FBXW5: variants seen among roughly 807,000 people sequenced by gnomAD.
FBXW5 encodes F-box/WD repeat-containing protein 5.
FBXW5 carries 74 observed loss-of-function variants against 50.9 expected under a neutral mutation model. The ratio of observed to expected loss-of-function variants is 1.45; its 90% CI spans 1.20 to 1.76. The LOEUF is 1.76. Among genes scored for constraint, FBXW5 ranks in the 40% most tolerant of loss-of-function variants. The pLI is 0.00. For missense variants in FBXW5, 1,073 were observed against 818.8 expected, an observed-to-expected ratio of 1.31 and a Z score of -3.79; for synonymous variants, 523 against 362.2, an observed-to-expected ratio of 1.44 and a Z score of -5.04.
In FBXW5 at chr9:136,942,561, T is replaced by C; in HGVS notation, c.661A>G (p.Asn221Asp). 1 of 1,611,414 alleles carries C rather than the reference T, an allele frequency of 6.2e-7. No individual in the cohort carries two copies. Among genetic ancestry groups the C allele is most frequent in the Non-Finnish European group, 8.5e-7 (1 of 1,179,316 alleles). The change falls in exon 5 of 9, where the codon AAC becomes GAC. Residue 221 changes from asparagine to aspartate, a missense_variant. Asn to Asp is a conservative substitution (Grantham distance 23). Transcript: ENST00000325285. ...CCCGCACGCACCTGGAAGGCATTGT[T>C]GAGCCACAGCACCGAGCAGGAGGTG... Reference protein sequence around the residue: ...DITSCSVLWLNNAFQDVESEN... With the variant: ...DITSCSVLWLDNAFQDVESEN...
rs1343170492 is a variant in FBXW5, at chr9:136,942,044, AC to A, written c.1096+1del. 6.2e-7 allele frequency: 1 copy of A among 1,601,770 alleles called. No individual in the cohort carries two copies. Among genetic ancestry groups the A allele is most frequent in the Non-Finnish European group, 8.5e-7 (1 of 1,171,322 alleles). On this transcript the variant is annotated splice_donor_variant, in intron 6 of 8. Transcript: ENST00000325285. LOFTEE classifies it high-confidence loss of function. ...GCGGGCAGCATGGCGGCAGGGGTGT[AC>A]CGATCTGGTGTGGGGAGTAGGTGAG...
At chr9:136,944,561 G>C (rs1290835366) in intron 1 of FBXW5, 33 bp downstream of exon 1, 1 of 983,540 alleles carries the variant, frequency 1.0e-6, no homozygotes, top group South Asian at 4.7e-5. Context: ...GGGACGACAA[G>C]GCGGGACCCC....
rs1006201076 is a variant in FBXW5, at chr9:136,944,564, G to A, written c.-24+30C>T. ...CCAAGGCGGGCGGGGACGACAAGGC[G>A]GGACCCCCGAGGGCCGCAGGCGCAC... On this transcript the variant is annotated intron_variant, in intron 1 of 8. Coordinates refer to ENST00000325285, the MANE Select transcript of FBXW5 (RefSeq NM_018998.4). The A allele has an allele frequency of 1.3e-4, 125 of 983,526 alleles. No homozygotes were observed. The African/African-American group carries it at 2.1e-3, about 17-fold the overall frequency. The allele number at this position is 983,526 out of a possible 1,614,324, so 60.9% of individuals were successfully genotyped here. A position where few individuals can be genotyped will look rare whatever the true frequency, so the allele number is the denominator to read the frequency against.
intron 6 of FBXW5, 105 bp from the exon 7 acceptor site, chr9:136,941,789 A>T (rs1476348750): frequency 6.9e-7 from 1 of 1,459,460 alleles, no homozygotes; most frequent in Admixed American, 2.3e-5. Context: ...AGCACCACAG[A>T]GGTCCGTGGG....
At position 136,941,001 on chromosome 9, in the gene FBXW5, G is replaced by T. The variant is rs1373447222; in HGVS notation, c.1628C>A (p.Thr543Asn). ...GCGAGGTGCCTGGAGGACGCGCATGGTGCGTGGGGAGCGCCAGGCTTTGAT... is the reference window on the plus strand; with the variant it reads ...GCGAGGTGCCTGGAGGACGCGCATGTTGCGTGGGGAGCGCCAGGCTTTGAT... The part of the protein sequence containing the change: ...ATIKAWRSPR[T>N]MRVLQAPRPR... Residue 543 changes from threonine to asparagine, a missense_variant, in exon 9 of 9, where the codon ACC becomes AAC. Coordinates refer to ENST00000325285, the MANE Select transcript of FBXW5 (RefSeq NM_018998.4). 1.3e-6 allele frequency: 2 copies of T among 1,555,588 alleles called. No individual in the cohort carries two copies. The highest frequency in any genetic ancestry group is 3.9e-5 in the Admixed American group (2 of 51,714).
At position 136,943,788 on chromosome 9, in the gene FBXW5, CACGCGGGG is replaced by C. The variant is rs986118614; in HGVS notation, c.193+95_193+102del. The C allele has an allele frequency of 6.3e-5, 83 of 1,312,614 alleles. No homozygotes were observed. In the African/African-American group the frequency reaches 9.4e-4, roughly 15 times the overall value. 81.3% of individuals were successfully genotyped at this position (1,312,614 alleles called of 1,614,324 possible). On this transcript the variant is annotated intron_variant, in intron 2 of 8. Transcript: ENST00000325285. ...CAGGGTGTGGGGGGGTGAGCATGGA[CACGCGGGG>C]CCGCGGGGCGGGCCCCCAGCCAGGC...
chr9:136,944,518 C>T, intron 1 of FBXW5, 76 bp downstream of exon 1: 1 of 984,348 alleles, frequency 1.0e-6, no homozygotes, highest in Non-Finnish European at 1.2e-6. Flanking sequence ...GCACGGGCGG[C>T]CTCGGGGCTC....
In FBXW5 at chr9:136,943,379, G is replaced by C. The variant is rs142320232; in HGVS notation, c.321C>G (p.Phe107Leu). The C allele has an allele frequency of 1.9e-6, 3 of 1,612,904 alleles. No homozygotes were observed. The highest frequency in any genetic ancestry group is 2.5e-6 in the Non-Finnish European group (3 of 1,179,952). The change falls in exon 3 of 9, where the codon TTC becomes TTG. Residue 107 changes from phenylalanine (F) to leucine (L), a missense_variant. Physicochemically the swap from Phe to Leu is conservative, Grantham distance 22. Transcript: ENST00000325285. Reference sequence around the variant, plus strand: ...CAGTGCAGTCCTTGGAGCAGGACGCGAACTGGTACCCGGAATGGGAGAAGC... The same window carrying C: ...CAGTGCAGTCCTTGGAGCAGGACGCCAACTGGTACCCGGAATGGGAGAAGC... ...HLSFSHSGYQ[F>L]ASCSKDCTVK...
rs200276837 is a variant in FBXW5 at position 136,941,300 on chromosome 9, C to T, written c.1408G>A (p.Asp470Asn). ...LRAHRAYTPNDECFFIFLDVS... is the reference protein window; with the variant it reads ...LRAHRAYTPNNECFFIFLDVS... ...TCCAGGAAGATGAAGAAGCACTCGT[C>T]GTTGGGCGTGTAGGCGCGGTGCGCA... The change falls in exon 8 of 9, where the codon GAC (aspartate) becomes AAC (asparagine). Residue 470 changes from aspartate (D) to asparagine (N), a missense_variant. Asp to Asn is a conservative substitution (Grantham distance 23). Transcript: ENST00000325285. The T allele has an allele frequency of 3.5e-5, 57 of 1,609,144 alleles. No homozygotes were observed. Among genetic ancestry groups the T allele is most frequent in the South Asian group, 5.5e-5 (5 of 91,078 alleles).
At chr9:136,941,751 C>T (rs1850779900) in intron 6 of FBXW5, 67 bp from the exon 7 acceptor site, 1 of 1,446,304 alleles carries the variant, frequency 6.9e-7, no homozygotes, top group East Asian at 2.5e-5. Flanking sequence ...GGGCAGCTTC[C>T]TACCTCAGTG....
chr9:136,944,556 G>A (rs887678074), intron 1 of FBXW5, 38 bp downstream of exon 1: 3 of 983,684 alleles, frequency 3.0e-6, no homozygotes, highest in Non-Finnish European at 3.6e-6. Context: ...GGGCGGGGAC[G>A]ACAAGGCGGG....
At position 136,941,541 on chromosome 9, in the gene FBXW5, T is replaced by G. The variant is rs1850765625; in HGVS notation, c.1240A>C (p.Asn414His). ...HIIGMGLSPD[N>H]RYLYVNSRAW... ...GGACACTGGCAAGAGGCCCACCTGT[T>G]GTCGGGCGACAGGCCCATGCCGATG... Residue 414 changes from asparagine to histidine, a missense_variant, in exon 7 of 9, where the codon AAC becomes CAC. Transcript: ENST00000325285. 6.2e-7 allele frequency: 1 copy of G among 1,610,298 alleles called. No individual in the cohort carries two copies. The highest frequency in any genetic ancestry group is 8.5e-7 in the Non-Finnish European group (1 of 1,179,494).
chr9:136,943,975 G>A lies in FBXW5; in HGVS notation c.109C>T (p.Gln37Ter). 1 of 1,577,560 alleles carries A rather than the reference G, an allele frequency of 6.3e-7. No homozygotes were observed. Among genetic ancestry groups the A allele is most frequent in the South Asian group, 1.2e-5 (1 of 86,264 alleles). The change falls in exon 2 of 9, where the codon CAG (glutamine) becomes TAG (stop). Residue 37 changes from glutamine (Q) to a stop codon, truncating the protein, a stop_gained. Transcript: ENST00000325285. LOFTEE classifies it high-confidence loss of function. ...LAAGLVCRQW[Q>*]AVSRDEFLWR... The stretch of plus-strand genomic sequence containing the variant: ...AGGAACTCGTCCCGCGACACGGCCT[G>A]CCATTGGCGGCACACCAGCCCGGCG...
At chr9:136,943,771 G>T in intron 2 of FBXW5, 120 bp downstream of exon 2, 8 of 1,171,706 alleles carry the variant, frequency 6.8e-6, no homozygotes, top group Middle Eastern at 5.7e-4. Flanking sequence ...ATCAGGGTGT[G>T]GGGGGGTGAG....
rs1850935913 is a variant in FBXW5 at position 136,944,126 on chromosome 9, G to A, written c.-23-20C>T. 1 of 1,532,230 alleles carries A rather than the reference G, an allele frequency of 6.5e-7. No homozygotes were observed. 94.9% of individuals were successfully genotyped at this position (1,532,230 alleles called of 1,614,324 possible). Reference sequence around the variant, plus strand: ...GCGGCCCTGAAACCCACCAACGGCTGCCCTCAGCCCAGGCCCGGGAAGGGA... The same window carrying A: ...GCGGCCCTGAAACCCACCAACGGCTACCCTCAGCCCAGGCCCGGGAAGGGA... On this transcript the variant is annotated intron_variant, in intron 1 of 8. Coordinates refer to ENST00000325285, the MANE Select transcript of FBXW5 (RefSeq NM_018998.4).
Position 136,940,469 on chromosome 9 carries a change from G to A in FBXW5, c.*459C>T, listed in dbSNP as rs554800624. 2.3e-5 allele frequency: 5 copies of A among 221,264 alleles called. No individual in the cohort carries two copies. The highest frequency in any genetic ancestry group is 7.2e-5 in the South Asian group (1 of 13,838). 13.7% of individuals were successfully genotyped at this position (221,264 alleles called of 1,614,324 possible). On this transcript the variant is annotated 3_prime_UTR_variant, in exon 9 of 9. Transcript: ENST00000325285. ...CAACTGTTTATTCAGGGCCCTGAACGGGTGGTGCGTGGACATGCAACACAC... is the reference window on the plus strand; with the variant it reads ...CAACTGTTTATTCAGGGCCCTGAACAGGTGGTGCGTGGACATGCAACACAC...
rs1156352805 is a variant in FBXW5, at chr9:136,942,696, CTG to C, written c.527-3_527-2del. 9 of 1,611,168 alleles carry C rather than the reference CTG, an allele frequency of 5.6e-6. No individual in the cohort carries two copies. The highest frequency in any genetic ancestry group is 4.5e-5 in the East Asian group (2 of 44,838). On this transcript the variant is annotated splice_acceptor_variant and splice_polypyrimidine_tract_variant and intron_variant, in intron 4 of 8. Transcript: ENST00000325285. LOFTEE classifies it high-confidence loss of function. Reference sequence around the variant, plus strand: ...ACGCGGGACAGCAGCGCGAAGGAGTCTGTGGGGAGGCCGGGGCTGGACAGGCT... The same window carrying C: ...ACGCGGGACAGCAGCGCGAAGGAGTCTGGGGAGGCCGGGGCTGGACAGGCT...
intron 1 of FBXW5, 110 bp from the exon 2 acceptor site, chr9:136,944,216 G>C (rs1328064520): frequency 3.2e-6 from 4 of 1,232,422 alleles, no homozygotes; most frequent in Admixed American, 2.9e-5. Flanking sequence ...ACGGGGCTGC[G>C]TGTCTGCAGG....
At chr9:136,941,744 C>A in intron 6 of FBXW5, 60 bp from the exon 7 acceptor site, 1 of 1,451,796 alleles carries the variant, frequency 6.9e-7, no homozygotes. Flanking sequence ...CACTCCAGGG[C>A]AGCTTCCTAC....
Sources: allele counts gnomAD v4.1 joint callset, GRCh38; gene constraint gnomAD v4.1.1; transcripts MANE v1.5; gene names NCBI Gene and HGNC (gene_info 2026-07-23, HGNC 2026-07-21).